GXYLT1: variants seen among roughly 807,000 people sequenced by gnomAD.
The protein encoded by GXYLT1 is glucoside xylosyltransferase 1.
Under a neutral mutation model 54.0 loss-of-function variants are expected in GXYLT1, and 29 were observed. That is an observed-to-expected ratio of 0.54 (90% CI 0.40 to 0.73). The LOEUF is 0.73. Ranked by LOEUF, GXYLT1 falls within the 30% of genes least tolerant of loss-of-function variation. GXYLT1 has a pLI of 0.00. For synonymous variants in GXYLT1, 176 were observed against 204.1 expected (o/e 0.86, Z 1.17); for missense variants, 490 against 553.4 (o/e 0.89, Z 1.15).
intron 1 of GXYLT1, among the ~76,000 whole-genome samples, chr12:42,133,786 A>G (rs927058003): frequency 4.6e-5 from 7 of 152,334 alleles, no homozygotes; most frequent in African/African-American, 1.7e-4. Flanking sequence ...CATACTGTCT[A>G]GTGGGGAGTA....
At chr12:42,116,307 G>T (rs1476079259) in intron 3 of GXYLT1, among the ~76,000 whole-genome samples, 1 of 152,134 alleles carries the variant, frequency 6.6e-6, no homozygotes, top group Non-Finnish European at 1.5e-5. Flanking sequence ...AAGAGCTTCT[G>T]CACAGCAAAA....
At position 42,083,130 on chromosome 12, in the gene GXYLT1, C is replaced by T. The variant is rs1489872851; in HGVS notation, c.*4656G>A. 1 of 151,926 alleles carries T rather than the reference C, an allele frequency of 6.6e-6. No homozygotes were observed. Among genetic ancestry groups the T allele is most frequent in the African/African-American group, 2.4e-5 (1 of 41,348 alleles). The allele number at this position is 151,926 out of a possible 1,614,324, so 9.4% of individuals were successfully genotyped here. A position where few individuals can be genotyped will look rare whatever the true frequency, so the allele number is the denominator to read the frequency against. ...AAACTGTTACATCTAATATGCTATT[C>T]TGTTTTTCTCATGAGTCTTTAATTG... On this transcript the variant is annotated 3_prime_UTR_variant, in exon 8 of 8. Coordinates refer to ENST00000398675, the MANE Select transcript of GXYLT1 (RefSeq NM_173601.2).
intron 5 of GXYLT1, among the ~76,000 whole-genome samples, chr12:42,103,887 A>G (rs1371734509): frequency 6.6e-6 from 1 of 152,184 alleles, no homozygotes; most frequent in Non-Finnish European, 1.5e-5. Context: ...ACAGAAAAAA[A>G]AAGAAAAAGG....
rs2065627186 is a variant in GXYLT1 at position 42,137,596 on chromosome 12, A to G, written c.221+6830T>C. Among the ~76,000 whole-genome samples, 3 of 151,724 alleles carry G rather than the reference A, an allele frequency of 2.0e-5. No individual in the cohort carries two copies. The South Asian group carries it at 6.3e-4, about 32-fold the overall frequency. Reference sequence around the variant, plus strand: ...TGCGGTGAAACCCTGTCTCTACTAAAAATACAAAAAATTATCTGGGCGTGG... The same window carrying G: ...TGCGGTGAAACCCTGTCTCTACTAAGAATACAAAAAATTATCTGGGCGTGG... On this transcript the variant is annotated intron_variant, in intron 1 of 7. Transcript: ENST00000398675.
chr12:42,102,092 C>T (rs143848624), intron 5 of GXYLT1, among the ~76,000 whole-genome samples: 11 of 152,240 alleles, frequency 7.2e-5, no homozygotes, highest in African/African-American at 2.4e-4. Context: ...AAACCTATGA[C>T]CAAATACATG....
chr12:42,124,999 G>T (rs1468545490), intron 2 of GXYLT1, among the ~76,000 whole-genome samples: 1 of 152,154 alleles, frequency 6.6e-6, no homozygotes, highest in African/African-American at 2.4e-5. Context: ...ACACCATATG[G>T]TATCAGCCTG....
At chr12:42,120,011 A>T (rs1041866172) in intron 2 of GXYLT1, among the ~76,000 whole-genome samples, 2 of 152,208 alleles carry the variant, frequency 1.3e-5, no homozygotes, top group Non-Finnish European at 2.9e-5. Context: ...GGCTGCCAGT[A>T]AATAAATTAA....
Position 42,112,028 on chromosome 12 carries a change from G to T in GXYLT1, c.487-2337C>A, listed in dbSNP as rs577085573. Among the ~76,000 whole-genome samples the T allele has an allele frequency of 3.9e-5, 6 of 152,288 alleles. No homozygotes were observed. In the East Asian group the frequency reaches 1.2e-3, roughly 29 times the overall value. On this transcript the variant is annotated intron_variant, in intron 3 of 7. Transcript: ENST00000398675. ...TGCTGCTGATACCCAGGCAAACAGG[G>T]TCTGGAGTGGACCTCTAGCAAACTC...
At position 42,082,868 on chromosome 12, in the gene GXYLT1, A is replaced by T. The variant is rs2065261852; in HGVS notation, c.*4918T>A. The T allele has an allele frequency of 6.6e-6, 1 of 152,232 alleles. No individual in the cohort carries two copies. The highest frequency in any genetic ancestry group is 2.4e-5 in the African/African-American group (1 of 41,464). 9.4% of individuals were successfully genotyped at this position (152,232 alleles called of 1,614,324 possible). On this transcript the variant is annotated 3_prime_UTR_variant, in exon 8 of 8. Coordinates refer to ENST00000398675, the MANE Select transcript of GXYLT1 (RefSeq NM_173601.2). Reference sequence around the variant, plus strand: ...GCTATAGTGTGCTATGTGTGTAAATATTCAGATCCTGTATATAAACTAATC... The same window carrying T: ...GCTATAGTGTGCTATGTGTGTAAATTTTCAGATCCTGTATATAAACTAATC...
Position 42,084,853 on chromosome 12 carries a change from T to G in GXYLT1, c.*2933A>C, listed in dbSNP as rs1045858742. On this transcript the variant is annotated 3_prime_UTR_variant, in exon 8 of 8. Coordinates refer to ENST00000398675, the MANE Select transcript of GXYLT1 (RefSeq NM_173601.2). ...TTTTTAAAGGTTTCCCAAGTTCTTTTCTACTTCATACAAATGAAGTTTGAC... is the reference window on the plus strand; with the variant it reads ...TTTTTAAAGGTTTCCCAAGTTCTTTGCTACTTCATACAAATGAAGTTTGAC... 6.6e-6 allele frequency: 1 copy of G among 152,304 alleles called. No homozygotes were observed. Among genetic ancestry groups the G allele is most frequent in the African/African-American group, 2.4e-5 (1 of 41,486 alleles). 9.4% of individuals were successfully genotyped at this position (152,304 alleles called of 1,614,324 possible). A position where few individuals can be genotyped will look rare whatever the true frequency, so the allele number is the denominator to read the frequency against.
chr12:42,102,307 C>T (rs139659440), intron 5 of GXYLT1, among the ~76,000 whole-genome samples: 3 of 152,262 alleles, frequency 2.0e-5, no homozygotes, highest in Middle Eastern at 3.4e-3. Flanking sequence ...GCAAGATGTT[C>T]GTTGTTGTTA....
chr12:42,132,789 T>A (rs563996879), intron 1 of GXYLT1, among the ~76,000 whole-genome samples: 3 of 152,120 alleles, frequency 2.0e-5, no homozygotes, highest in African/African-American at 7.2e-5. Flanking sequence ...GTTTTGTTTT[T>A]TTTTTTAAGT....
intron 3 of GXYLT1, among the ~76,000 whole-genome samples, chr12:42,115,368 A>G (rs563200029): frequency 1.3e-5 from 2 of 152,228 alleles, no homozygotes; most frequent in African/African-American, 2.4e-5. Flanking sequence ...ACATGATTGT[A>G]TATCTAGAAA....
At chr12:42,097,283 T>C (rs11181323) in intron 7 of GXYLT1, among the ~76,000 whole-genome samples, 159 bp downstream of exon 7, 2,300 of 151,526 alleles carry the variant, frequency 0.015, 56 homozygotes, top group African/African-American at 0.053. Context: ...GAAAAAAAAA[T>C]GTAGAGAGAA....
In GXYLT1 at chr12:42,098,047, C is replaced by T; in HGVS notation, c.865-14G>A. 6.2e-7 allele frequency: 1 copy of T among 1,603,598 alleles called. No individual in the cohort carries two copies. Among genetic ancestry groups the T allele is most frequent in the Non-Finnish European group, 8.5e-7 (1 of 1,175,890 alleles). On this transcript the variant is annotated splice_polypyrimidine_tract_variant and intron_variant, in intron 5 of 7. Transcript: ENST00000398675. The stretch of plus-strand genomic sequence containing the variant: ...TGTCATATCATTCTGTTGATAAAAA[C>T]ATTCAAAAGAGCTTCAGACTTTCAG...
chr12:42,099,828 G>GT (rs2065379333), intron 5 of GXYLT1, among the ~76,000 whole-genome samples: 1 of 152,256 alleles, frequency 6.6e-6, no homozygotes, highest in South Asian at 2.1e-4. Context: ...TCCGGCATGG[G>GT]TAACAGAATG....
At chr12:42,124,546 A>T (rs2065550055) in intron 2 of GXYLT1, among the ~76,000 whole-genome samples, 3 of 152,232 alleles carry the variant, frequency 2.0e-5, no homozygotes, top group Non-Finnish European at 4.4e-5. Flanking sequence ...AAATACATTC[A>T]ACAAATAATC....
In GXYLT1 at chr12:42,129,833, CAG is replaced by C; in HGVS notation, c.238_239del (p.Leu80ValfsTer12). ...GVSDRCKDFS[L>X]CYWNPYWMLP... ...GCATCCAATAGGGATTCCAGTAACA[CAG>C]AGAGAAATCTTTACACCTAACAGAG... On this transcript the variant is annotated frameshift_variant, in exon 2 of 8. Coordinates refer to ENST00000398675, the MANE Select transcript of GXYLT1 (RefSeq NM_173601.2). LOFTEE classifies it high-confidence loss of function. The C allele has an allele frequency of 1.2e-6, 2 of 1,612,814 alleles. No homozygotes were observed. Among genetic ancestry groups the C allele is most frequent in the Non-Finnish European group, 1.7e-6 (2 of 1,178,996 alleles).
intron 1 of GXYLT1, among the ~76,000 whole-genome samples, chr12:42,134,833 T>A (rs2065610742): frequency 6.6e-6 from 1 of 152,242 alleles, no homozygotes. Context: ...GTCTCATACC[T>A]ATTACCAACT....
Sources: gnomAD v4.1 joint callset for allele counts (sites outside exome capture counted in the v4.1 genomes callset) on GRCh38, gnomAD v4.1.1 for gene constraint, MANE v1.5 for transcripts, NCBI Gene and HGNC (gene_info 2026-07-23, HGNC 2026-07-21) for gene names.